The following CA5B variants were observed in gnomAD, a reference collection of about 807,000 sequenced individuals.
CA5B encodes the protein carbonic anhydrase 5B, mitochondrial.
A neutral mutation model predicts 23.1 loss-of-function variants in CA5B; 15 were observed. The observed-to-expected ratio is 0.65, with a 90% CI of 0.43 to 1.00. The LOEUF (loss-of-function observed/expected upper bound fraction) is 1.00, where lower values mean the gene tolerates loss of function less well. Among genes scored for constraint, CA5B ranks in the 50% least tolerant of loss-of-function variants. The pLI is 0.00. For missense variants in CA5B, 236 were observed against 252.2 expected (o/e 0.94, Z 0.43); for synonymous variants, 84 against 98.5 (o/e 0.85, Z 0.87).
At chrX:15,755,607 G>T (rs760382586) in intron 2 of CA5B, among the ~76,000 whole-genome samples, 5 of 112,072 alleles carry the variant, frequency 4.5e-5, no homozygotes, top group Non-Finnish European at 9.4e-5. Flanking sequence ...GATAAATAAC[G>T]TAAGCCACAA....
chrX:15,783,633 A>C lies in CA5B; in HGVS notation c.*969A>C, dbSNP rs898004562. The C allele has an allele frequency of 1.9e-5, 2 of 108,106 alleles. No individual in the cohort carries two copies. The highest frequency in any genetic ancestry group is 3.8e-5 in the Non-Finnish European group (2 of 52,238). The allele number at this position is 108,106 out of a possible 1,213,427, so 8.9% of individuals were successfully genotyped here. ...ATGATGAAACCCTGTCACTACTACA[A>C]ATAAAAAATTAGCCAGGCATGGTGG... On this transcript the variant is annotated 3_prime_UTR_variant, in exon 8 of 8. Coordinates refer to ENST00000318636, the MANE Select transcript of CA5B (RefSeq NM_007220.4).
intron 1 of CA5B, among the ~76,000 whole-genome samples, 163 bp downstream of exon 1, chrX:15,738,515 G>C (rs895535826): frequency 9.0e-6 from 1 of 111,068 alleles, no homozygotes; most frequent in Non-Finnish European, 1.9e-5. Flanking sequence ...GGGCGCCCGG[G>C]AGTACTGAGT....
intron 3 of CA5B, among the ~76,000 whole-genome samples, chrX:15,765,771 C>G (rs1168648919): frequency 9.1e-6 from 1 of 110,364 alleles, no homozygotes; most frequent in African/African-American, 3.3e-5. Flanking sequence ...GAAGAGTTGT[C>G]TAGCCTGCAG....
At chrX:15,756,923 G>A (rs1387172973) in intron 2 of CA5B, among the ~76,000 whole-genome samples, 3 of 106,653 alleles carry the variant, frequency 2.8e-5, no homozygotes, top group East Asian at 3.0e-4. Flanking sequence ...GTGTGGTGGC[G>A]GGCACCTGTA....
Position 15,749,982 on chromosome X carries a change from C to T in CA5B, c.-42C>T. On this transcript the variant is annotated 5_prime_UTR_variant, in exon 2 of 8. Transcript: ENST00000318636. ...CCTCATCCCTCTAGATTATTAAGTT[C>T]CTGCAACTTAACTGGGAACTGATCA... 2 of 1,199,301 alleles carry T rather than the reference C, an allele frequency of 1.7e-6. No homozygotes were observed. The highest frequency in any genetic ancestry group is 1.1e-6 in the Non-Finnish European group (1 of 887,761).
chrX:15,763,704 A>G (rs779162699), intron 2 of CA5B, among the ~76,000 whole-genome samples: 4 of 112,423 alleles, frequency 3.6e-5, no homozygotes, highest in Non-Finnish European at 3.8e-5. Context: ...TCACATGATT[A>G]TAGAGGCTGG....
At chrX:15,778,531 G>A (rs186730932) in intron 7 of CA5B, among the ~76,000 whole-genome samples, 8 of 111,766 alleles carry the variant, frequency 7.2e-5, no homozygotes, top group African/African-American at 9.7e-5. Context: ...GTATATTAGC[G>A]TTCTCCAGAG....
rs895745252 is a variant in CA5B, at chrX:15,785,914, G to A, written c.*3250G>A. 1 of 108,942 alleles carries A rather than the reference G, an allele frequency of 9.2e-6. No homozygotes were observed. Among genetic ancestry groups the A allele is most frequent in the Admixed American group, 9.8e-5 (1 of 10,185 alleles). The allele number at this position is 108,942 out of a possible 1,213,427, so 9.0% of individuals were successfully genotyped here. A position where few individuals can be genotyped will look rare whatever the true frequency, so the allele number is the denominator to read the frequency against. Reference sequence around the variant, plus strand: ...TTGAGACAGAGTCGCGCTGTCACCCGGGCTGGAGTGCAGTGGCGCGATCTC... The same window carrying A: ...TTGAGACAGAGTCGCGCTGTCACCCAGGCTGGAGTGCAGTGGCGCGATCTC... On this transcript the variant is annotated 3_prime_UTR_variant, in exon 8 of 8. Coordinates refer to ENST00000318636, the MANE Select transcript of CA5B (RefSeq NM_007220.4).
At chrX:15,741,090 C>T (rs777866564) in intron 1 of CA5B, among the ~76,000 whole-genome samples, 6 of 108,017 alleles carry the variant, frequency 5.6e-5, no homozygotes, top group East Asian at 6.1e-4. Context: ...TTTTTTGAGA[C>T]GGAGTCTCGC....
chrX:15,775,841 C>G, intron 6 of CA5B: 4 of 744,653 alleles, frequency 5.4e-6, no homozygotes, highest in Non-Finnish European at 6.3e-6. Context: ...TGGTCCCCAC[C>G]TCTTTCCCTC....
intron 2 of CA5B, among the ~76,000 whole-genome samples, chrX:15,758,103 T>A (rs1931530971): frequency 8.9e-6 from 1 of 111,741 alleles, no homozygotes; most frequent in Non-Finnish European, 1.9e-5. Flanking sequence ...TAAACCTGAA[T>A]GATTCTTAAA....
In CA5B at chrX:15,770,145, C is replaced by G. The variant is rs1338749557; in HGVS notation, c.341-2351C>G. Among the ~76,000 whole-genome samples, 4 of 109,751 alleles carry G rather than the reference C, an allele frequency of 3.6e-5. No individual in the cohort carries two copies. The East Asian group carries it at 8.6e-4, about 24-fold the overall frequency. The stretch of plus-strand genomic sequence containing the variant: ...CCTGGCCAACATGGTGAAACTCCTT[C>G]TCTACCAAAATACAAAAATTATTTG... On this transcript the variant is annotated intron_variant, in intron 3 of 7. Transcript: ENST00000318636.
chrX:15,738,512 C>T lies in CA5B; in HGVS notation c.-54+160C>T, dbSNP rs928968016. Among the ~76,000 whole-genome samples the T allele has an allele frequency of 7.2e-5, 8 of 111,037 alleles. No homozygotes were observed. The South Asian group carries it at 1.2e-3, about 16-fold the overall frequency. On this transcript the variant is annotated intron_variant, in intron 1 of 7. Coordinates refer to ENST00000318636, the MANE Select transcript of CA5B (RefSeq NM_007220.4). ...ATTGTCTGGGTCCCGGCAGGGCGCC[C>T]GGGAGTACTGAGTGGGGCCTAATGG...
chrX:15,782,403 T>C, intron 7 of CA5B, 82 bp from the exon 8 acceptor site: 2 of 938,135 alleles, frequency 2.1e-6, no homozygotes, highest in Non-Finnish European at 3.0e-6. Context: ...ATGCTCAGAA[T>C]TGTAAAAATG....
At chrX:15,748,775 A>G (rs994750468) in intron 1 of CA5B, among the ~76,000 whole-genome samples, 5 of 93,369 alleles carry the variant, frequency 5.4e-5, no homozygotes, top group Non-Finnish European at 1.0e-4. Context: ...ATGGTCGGGC[A>G]CAGTGGCTCA....
At chrX:15,761,057 A>G (rs571387274) in intron 2 of CA5B, among the ~76,000 whole-genome samples, 1 of 112,175 alleles carries the variant, frequency 8.9e-6, no homozygotes, top group Admixed American at 9.5e-5. Context: ...GATGAAAAAT[A>G]CGGTATATTA....
chrX:15,782,436 A>G (rs777810984), intron 7 of CA5B, 49 bp from the exon 8 acceptor site: 2 of 1,089,436 alleles, frequency 1.8e-6, no homozygotes, highest in Non-Finnish European at 2.5e-6. Context: ...TCACGAGGTA[A>G]AGCGAGTTTT....
Position 15,775,713 on chromosome X carries a change from C to A in CA5B, c.618+405C>A, listed in dbSNP as rs768680657. 3.0e-4 allele frequency: 228 copies of A among 754,483 alleles called. 3 individuals carry two copies. In the African/African-American group the frequency reaches 5.1e-3, roughly 17 times the overall value. 62.2% of individuals were successfully genotyped at this position (754,483 alleles called of 1,213,427 possible). A position where few individuals can be genotyped will look rare whatever the true frequency, so the allele number is the denominator to read the frequency against. Reference sequence around the variant, plus strand: ...GAACAGTAATCCACATCCTTCAGGTCGGATGCCTTTGTCCAGTCCCCCAAT... The same window carrying A: ...GAACAGTAATCCACATCCTTCAGGTAGGATGCCTTTGTCCAGTCCCCCAAT... On this transcript the variant is annotated intron_variant, in intron 6 of 7. Coordinates refer to ENST00000318636, the MANE Select transcript of CA5B (RefSeq NM_007220.4).
chrX:15,782,571 G>A lies in CA5B; in HGVS notation c.861G>A (p.Leu287=), dbSNP rs758252055. Residue 287 remains leucine, a synonymous_variant, in exon 8 of 8, where the codon CTG becomes CTA. Transcript: ENST00000318636. ...ACAACTTCCGCCCCCTTCAGCCACT[G>A]ATGAATCGCACTGTTCGTTCATCCT... ...MVDNFRPLQP[L]MNRTVRSSFR... 5.0e-6 allele frequency: 6 copies of A among 1,208,635 alleles called. No individual in the cohort carries two copies. Among genetic ancestry groups the A allele is most frequent in the East Asian group, 5.9e-5 (2 of 33,776 alleles).
Sources: allele counts gnomAD v4.1 joint callset (sites outside exome capture counted in the v4.1 genomes callset), GRCh38; gene constraint gnomAD v4.1.1; transcripts MANE v1.5; gene names NCBI Gene and HGNC (gene_info 2026-07-23, HGNC 2026-07-21).